PDE9A: variants seen among roughly 807,000 people sequenced by gnomAD.
PDE9A encodes phosphodiesterase 9A, also known as high affinity cGMP-specific 3',5'-cyclic phosphodiesterase 9A.
In PDE9A, 60 loss-of-function variants were observed where a neutral mutation model predicts 87.4. The observed-to-expected ratio is 0.69, with a 90% confidence interval of 0.56 to 0.85. The LOEUF is 0.85. PDE9A is among the 40% of genes least tolerant of loss of function. The probability of loss-of-function intolerance (pLI) is 0.00; values close to 1 mark genes in which losing one functional copy is unlikely to be tolerated. For synonymous variants in PDE9A, 272 were observed against 279.4 expected (o/e 0.97, Z 0.27); for missense variants, 665 against 779.0 (o/e 0.85, Z 1.74).
chr21:42,740,135 T>C (rs1406174444), intron 7 of PDE9A, among the ~76,000 whole-genome samples: 2 of 152,030 alleles, frequency 1.3e-5, no homozygotes, highest in African/African-American at 2.4e-5. Context: ...TATATAGATA[T>C]GTAAATAGAA....
chr21:42,718,312 T>C (rs1266146546), intron 4 of PDE9A, among the ~76,000 whole-genome samples: 1 of 151,858 alleles, frequency 6.6e-6, no homozygotes, highest in Admixed American at 6.6e-5. Flanking sequence ...TTCATGTTCA[T>C]TGAGCTTCCA....
intron 1 of PDE9A, among the ~76,000 whole-genome samples, chr21:42,680,865 G>A (rs768428448): frequency 1.2e-4 from 18 of 152,162 alleles, no homozygotes; most frequent in South Asian, 4.1e-4. Context: ...TCCCAGCTCC[G>A]GAAACGCTGC....
rs2049101896 is a variant in PDE9A at position 42,709,312 on chromosome 21, G to A, written c.262+10301G>A. ...CACTGGGGCCTGTTGGGAGGGTTGG[G>A]GGAGGGAGAGCATCAGGATAAATAG... is the stretch of plus-strand genomic sequence containing the variant. On this transcript the variant is annotated intron_variant, in intron 4 of 19. Transcript: ENST00000291539. 3.3e-5 allele frequency among the ~76,000 whole-genome samples: 5 copies of A among 152,160 alleles called. No individual in the cohort carries two copies. The South Asian group carries it at 1.0e-3, about 31-fold the overall frequency.
At chr21:42,757,707 C>A (rs1045174359) in intron 10 of PDE9A, 1 of 152,160 alleles carries the variant, frequency 6.6e-6, no homozygotes, top group South Asian at 2.1e-4. Flanking sequence ...TGGTGTGGGA[C>A]CTTCTTCCTG....
chr21:42,664,044 C>T (rs1467509692), intron 1 of PDE9A, among the ~76,000 whole-genome samples: 1 of 152,222 alleles, frequency 6.6e-6, no homozygotes, highest in East Asian at 1.9e-4. Flanking sequence ...CAGAGGACGG[C>T]CCGGGGCCGA....
intron 1 of PDE9A, among the ~76,000 whole-genome samples, chr21:42,670,096 C>T (rs35346812): frequency 0.023 from 3,512 of 152,214 alleles, 67 homozygotes; most frequent in Middle Eastern, 0.048. Context: ...CATTCTCATA[C>T]ACTCACACAT....
At chr21:42,672,543 C>A (rs2058620135) in intron 1 of PDE9A, among the ~76,000 whole-genome samples, 1 of 152,258 alleles carries the variant, frequency 6.6e-6, no homozygotes, top group Non-Finnish European at 1.5e-5. Flanking sequence ...GCTTGGGCAC[C>A]AGCACCCCCT....
intron 10 of PDE9A, among the ~76,000 whole-genome samples, chr21:42,754,365 T>C (rs571359193): frequency 3.3e-5 from 5 of 152,236 alleles, no homozygotes; most frequent in South Asian, 4.1e-4. Context: ...CATCTGCTCA[T>C]CCTGCAGACC....
At chr21:42,724,014 G>A (rs537823014) in intron 4 of PDE9A, among the ~76,000 whole-genome samples, 1 of 152,190 alleles carries the variant, frequency 6.6e-6, no homozygotes, top group Admixed American at 6.5e-5. Flanking sequence ...ATTTTGCCAC[G>A]AAGGTTGGGA....
In PDE9A at chr21:42,759,190, G is replaced by T; in HGVS notation, c.897+105G>T. On this transcript the variant is annotated intron_variant, in intron 11 of 19. Transcript: ENST00000291539. This position sits in a 1 kb window ranked among gnomAD's most constrained non-coding sequence, Gnocchi z 7.2. The stretch of plus-strand genomic sequence containing the variant: ...CAGGGCACCTTCCGGATGGCACTGC[G>T]CTCCCTGTGAGCAGAGGTGACATTT... 5.2e-6 allele frequency: 4 copies of T among 766,378 alleles called. No individual in the cohort carries two copies. The highest frequency in any genetic ancestry group is 4.7e-5 in the South Asian group (3 of 64,242). The allele number at this position is 766,378 out of a possible 1,614,324, so 47.5% of individuals were successfully genotyped here. A position where few individuals can be genotyped will look rare whatever the true frequency, so the allele number is the denominator to read the frequency against.
At position 42,775,345 on chromosome 21, in the gene PDE9A, G is replaced by A; in HGVS notation, c.*52G>A. 2 of 1,584,854 alleles carry A rather than the reference G, an allele frequency of 1.3e-6. No individual in the cohort carries two copies. Among genetic ancestry groups the A allele is most frequent in the Non-Finnish European group, 1.7e-6 (2 of 1,160,576 alleles). Reference sequence around the variant, plus strand: ...CTGGACGGGCTGGCCGAGCTGCGCGGGATCCTTGTGCAGGGAAGAGCTGCC... The same window carrying A: ...CTGGACGGGCTGGCCGAGCTGCGCGAGATCCTTGTGCAGGGAAGAGCTGCC... On this transcript the variant is annotated 3_prime_UTR_variant, in exon 20 of 20. Coordinates refer to ENST00000291539, the MANE Select transcript of PDE9A (RefSeq NM_002606.3).
intron 7 of PDE9A, among the ~76,000 whole-genome samples, chr21:42,738,391 C>T (rs2052703561): frequency 6.6e-6 from 1 of 152,230 alleles, no homozygotes; most frequent in Non-Finnish European, 1.5e-5. Flanking sequence ...CTTTCACTAG[C>T]TCTGTAGCCA....
intron 4 of PDE9A, among the ~76,000 whole-genome samples, chr21:42,731,313 T>C (rs2051709311): frequency 2.0e-5 from 3 of 152,156 alleles, no homozygotes; most frequent in Non-Finnish European, 1.5e-5. Flanking sequence ...GAAATCAACA[T>C]AGAAGATGAC....
At position 42,694,703 on chromosome 21, in the gene PDE9A, C is replaced by T. The variant is rs113191203; in HGVS notation, c.219-4265C>T. Among the ~76,000 whole-genome samples the T allele has an allele frequency of 9.3e-4, 141 of 152,324 alleles. 1 individual carries two copies. Among genetic ancestry groups the T allele is most frequent in the African/African-American group, 3.2e-3 (134 of 41,576 alleles). The stretch of plus-strand genomic sequence containing the variant: ...AGGTGGACTTCCTGGTTTCTGCCTC[C>T]TGTTACCCCTCACAGTTATCTCTCC... On this transcript the variant is annotated intron_variant, in intron 3 of 19. Coordinates refer to ENST00000291539, the MANE Select transcript of PDE9A (RefSeq NM_002606.3). This position sits in a 1 kb window ranked among gnomAD's most constrained non-coding sequence, Gnocchi z 5.3.
intron 8 of PDE9A, among the ~76,000 whole-genome samples, chr21:42,746,562 G>C (rs1049665613): frequency 6.6e-6 from 1 of 152,198 alleles, no homozygotes; most frequent in African/African-American, 2.4e-5. Context: ...CCCTCCTCCA[G>C]GATGACATCC....
In PDE9A at chr21:42,702,824, A is replaced by C. The variant is rs994100375; in HGVS notation, c.262+3813A>C. ...GTTTGGAGATGAGAATGAAAGCGCC[A>C]GGGCCTTGAAGGTCGTTGCAAGGAT... On this transcript the variant is annotated intron_variant, in intron 4 of 19. Coordinates refer to ENST00000291539, the MANE Select transcript of PDE9A (RefSeq NM_002606.3). This position sits in a 1 kb window ranked among gnomAD's most constrained non-coding sequence, Gnocchi z 4.9. 2.6e-5 allele frequency among the ~76,000 whole-genome samples: 4 copies of C among 152,266 alleles called. No homozygotes were observed. In the South Asian group the frequency reaches 8.3e-4, roughly 32 times the overall value.
intron 3 of PDE9A, among the ~76,000 whole-genome samples, chr21:42,693,693 A>G (rs1273398541): frequency 7.0e-6 from 1 of 142,520 alleles, no homozygotes; most frequent in African/African-American, 2.7e-5. Flanking sequence ...CCCAGGTTCC[A>G]GGGATTCTCC....
At chr21:42,718,830 AT>A in intron 4 of PDE9A, among the ~76,000 whole-genome samples, 2 of 151,726 alleles carry the variant, frequency 1.3e-5, no homozygotes, top group South Asian at 4.2e-4. Context: ...TTGCATGTCT[AT>A]TTTTTATTGT....
chr21:42,758,575 G>A (rs2055324554), intron 10 of PDE9A: 1 of 170,420 alleles, frequency 5.9e-6, no homozygotes, highest in South Asian at 1.4e-4. Context: ...GGATGGAACT[G>A]TGTCCTAGAC....
Sources: gnomAD v4.1 joint callset for allele counts (sites outside exome capture counted in the v4.1 genomes callset) on GRCh38, gnomAD v4.1.1 for gene constraint, Gnocchi (gnomAD v3.1) non-coding constraint, MANE v1.5 for transcripts, NCBI Gene and HGNC (gene_info 2026-07-23, HGNC 2026-07-21) for gene names.